The following ACYP2 variants were observed in gnomAD, a reference collection of about 807,000 sequenced individuals.
ACYP2 encodes acylphosphatase-2.
In ACYP2, 12 loss-of-function variants were observed where a neutral mutation model predicts 11.2. The observed-to-expected ratio is 1.08, with a 90% CI of 0.69 to 1.74. The LOEUF (loss-of-function observed/expected upper bound fraction) is 1.74. Among genes scored for constraint, ACYP2 ranks in the 40% most tolerant of loss-of-function variants. The pLI is 0.00. For synonymous variants in ACYP2, 43 were observed against 32.2 expected, an observed-to-expected ratio of 1.33 and a Z score of -1.13; for missense variants, 134 against 101.9, an observed-to-expected ratio of 1.31 and a Z score of -1.35.
intron 4 of ACYP2, chr2:54,065,992 C>T (rs1676725177): frequency 6.6e-6 from 1 of 152,522 alleles, no homozygotes; most frequent in South Asian, 2.1e-4. Flanking sequence ...ATTTGTTGTG[C>T]ACTTATTTTG....
chr2:54,133,774 A>G (rs1286171731), intron 4 of ACYP2, among the ~76,000 whole-genome samples: 2 of 152,184 alleles, frequency 1.3e-5, no homozygotes, highest in East Asian at 3.8e-4. Context: ...AAGGGGTCCC[A>G]TACCATAAAT....
intron 6 of ACYP2, among the ~76,000 whole-genome samples, chr2:54,184,784 A>G (rs1572902833): frequency 6.6e-6 from 1 of 152,168 alleles, no homozygotes; most frequent in East Asian, 1.9e-4. Flanking sequence ...ATGTTTTAGA[A>G]GAAAAGACTC....
intron 6 of ACYP2, among the ~76,000 whole-genome samples, chr2:54,249,814 T>C (rs1015995465): frequency 1.3e-5 from 2 of 151,644 alleles, no homozygotes; most frequent in African/African-American, 4.8e-5. Context: ...CATGGTGGCA[T>C]GTGCCTGTAG....
At chr2:54,132,699 A>T (rs1265173080) in intron 4 of ACYP2, among the ~76,000 whole-genome samples, 1 of 152,048 alleles carries the variant, frequency 6.6e-6, no homozygotes, top group Non-Finnish European at 1.5e-5. Context: ...TTGAGATAGA[A>T]TATAAATTCA....
chr2:54,056,994 C>T (rs1676186976), intron 3 of ACYP2, among the ~76,000 whole-genome samples: 1 of 152,140 alleles, frequency 6.6e-6, no homozygotes, highest in African/African-American at 2.4e-5. Context: ...CACACCAAAA[C>T]ATTAATTCCA....
chr2:54,012,556 T>C (rs1388879553), intron 2 of ACYP2, among the ~76,000 whole-genome samples: 3 of 152,176 alleles, frequency 2.0e-5, no homozygotes, highest in African/African-American at 7.2e-5. Flanking sequence ...TTTGTCTCTC[T>C]GCTCTCCCTA....
At chr2:54,107,481 A>G (rs937753302) in intron 4 of ACYP2, among the ~76,000 whole-genome samples, 5 of 152,210 alleles carry the variant, frequency 3.3e-5, no homozygotes, top group African/African-American at 1.2e-4. Flanking sequence ...TTGAACTTTC[A>G]TTCTGCCTAA....
At chr2:54,039,570 G>A (rs895666161) in intron 2 of ACYP2, among the ~76,000 whole-genome samples, 3 of 151,978 alleles carry the variant, frequency 2.0e-5, no homozygotes, top group Admixed American at 1.3e-4. Flanking sequence ...GGGACTACAC[G>A]TGTGCACTAT....
chr2:54,224,165 T>G (rs56953508), intron 6 of ACYP2, among the ~76,000 whole-genome samples: 2,100 of 152,306 alleles, frequency 0.014, 57 homozygotes, highest in African/African-American at 0.046. Flanking sequence ...TCAGTCACTT[T>G]CCAAGTCCCC....
chr2:54,239,537 C>T (rs1686641387), intron 6 of ACYP2, among the ~76,000 whole-genome samples: 1 of 152,198 alleles, frequency 6.6e-6, no homozygotes, highest in African/African-American at 2.4e-5. Flanking sequence ...CACTTCTCCT[C>T]CCATTTCCCA....
intron 6 of ACYP2, among the ~76,000 whole-genome samples, chr2:54,143,639 C>T (rs149767195): frequency 2.8e-4 from 42 of 150,246 alleles, no homozygotes; most frequent in African/African-American, 9.1e-4. Flanking sequence ...TCACCATATT[C>T]GCCAGGCTGG....
chr2:54,170,457 C>T (rs1683175560), intron 6 of ACYP2, among the ~76,000 whole-genome samples: 1 of 152,080 alleles, frequency 6.6e-6, no homozygotes, highest in Non-Finnish European at 1.5e-5. Context: ...CTGGCCAGTT[C>T]ATTTCTTCTT....
intron 6 of ACYP2, among the ~76,000 whole-genome samples, chr2:54,194,839 C>A (rs1410282776): frequency 6.6e-6 from 1 of 152,100 alleles, no homozygotes; most frequent in African/African-American, 2.4e-5. Flanking sequence ...ACAATGCTAT[C>A]CACATAGTAG....
intron 2 of ACYP2, among the ~76,000 whole-genome samples, chr2:53,985,898 A>T (rs953768264): frequency 1.6e-4 from 25 of 152,104 alleles, no homozygotes; most frequent in African/African-American, 5.8e-4. Flanking sequence ...CACTTCAGGA[A>T]GCCGAGGTGG....
chr2:54,302,386 G>C (rs1689760541), intron 6 of ACYP2, among the ~76,000 whole-genome samples: 1 of 152,104 alleles, frequency 6.6e-6, no homozygotes, highest in South Asian at 2.1e-4. Context: ...CTGAGGGCTT[G>C]ATTGGGCTCC....
intron 2 of ACYP2, among the ~76,000 whole-genome samples, chr2:54,016,195 G>A (rs921061973): frequency 1.3e-5 from 2 of 151,820 alleles, no homozygotes; most frequent in African/African-American, 4.8e-5. Flanking sequence ...ACATCTGTTT[G>A]GAGGCCACTG....
intron 6 of ACYP2, among the ~76,000 whole-genome samples, chr2:54,201,679 T>TG (rs1558609198): frequency 0.042 from 4,814 of 114,868 alleles, 138 homozygotes; most frequent in African/African-American, 0.083. Context: ...TCTTTCTTTC[T>TG]TTCTCTCTCT....
chr2:54,131,214 G>A (rs559582657), intron 4 of ACYP2, among the ~76,000 whole-genome samples: 4 of 152,216 alleles, frequency 2.6e-5, no homozygotes, highest in African/African-American at 4.8e-5. Flanking sequence ...TTATGTTAGT[G>A]TGAATAAAAT....
intron 2 of ACYP2, among the ~76,000 whole-genome samples, chr2:54,006,733 A>G (rs1001831384): frequency 6.6e-6 from 1 of 152,164 alleles, no homozygotes; most frequent in African/African-American, 2.4e-5. Flanking sequence ...CTTGGGCTCA[A>G]ACTATCTATA....
Sources: gnomAD v4.1 joint callset for allele counts (sites outside exome capture counted in the v4.1 genomes callset) on GRCh38, gnomAD v4.1.1 for gene constraint, MANE v1.5 for transcripts, NCBI Gene and HGNC (gene_info 2026-07-23, HGNC 2026-07-21) for gene names.